The following ATRNL1 variants were observed in gnomAD, a reference collection of about 807,000 sequenced individuals.
The protein encoded by ATRNL1 is attractin like 1.
Under a neutral mutation model 182.7 loss-of-function variants are expected in ATRNL1, and 95 were observed. The observed-to-expected ratio is 0.52, with a 90% CI of 0.44 to 0.62. The LOEUF (loss-of-function observed/expected upper bound fraction) is 0.62, where lower values mean the gene tolerates loss of function less well. Among genes scored for constraint, ATRNL1 ranks in the 20% least tolerant of loss-of-function variants. ATRNL1 has a pLI of 0.00. For missense variants in ATRNL1, 1,471 were observed against 1,679.5 expected (o/e 0.88, Z 2.17); for synonymous variants, 576 against 568.3 (o/e 1.01, Z -0.19).
chr10:115,339,692 T>C (rs1243774561), intron 19 of ATRNL1, among the ~76,000 whole-genome samples: 1 of 152,202 alleles, frequency 6.6e-6, no homozygotes, highest in Non-Finnish European at 1.5e-5. Context: ...ATGCCCTTTA[T>C]ATCTTTCTTT....
At chr10:115,116,381 G>A (rs1844485598) in intron 1 of ATRNL1, among the ~76,000 whole-genome samples, 1 of 152,056 alleles carries the variant, frequency 6.6e-6, no homozygotes, top group African/African-American at 2.4e-5. Flanking sequence ...GTTGAACTAT[G>A]TGCTACCTAA....
chr10:115,526,042 C>T (rs138943787), intron 25 of ATRNL1, among the ~76,000 whole-genome samples: 38 of 152,230 alleles, frequency 2.5e-4, no homozygotes, highest in African/African-American at 8.2e-4. Context: ...TGAGGGGGCA[C>T]CTGTTACCTA....
chr10:115,574,968 G>A (rs1854621087), intron 26 of ATRNL1, among the ~76,000 whole-genome samples: 1 of 152,082 alleles, frequency 6.6e-6, no homozygotes, highest in Non-Finnish European at 1.5e-5. Context: ...TTGCATTTTA[G>A]GTCTGACTCT....
chr10:115,264,713 C>A (rs1213505462), intron 10 of ATRNL1, among the ~76,000 whole-genome samples: 1 of 151,508 alleles, frequency 6.6e-6, no homozygotes, highest in Non-Finnish European at 1.5e-5. Flanking sequence ...GAATTCAAAT[C>A]ATTAAAGTGA....
chr10:115,463,950 T>G (rs1405535608), intron 22 of ATRNL1, among the ~76,000 whole-genome samples: 1 of 152,054 alleles, frequency 6.6e-6, no homozygotes, highest in African/African-American at 2.4e-5. Context: ...TGAATAATAT[T>G]CCTCCACAGT....
At chr10:115,497,235 C>T (rs868960542) in intron 24 of ATRNL1, among the ~76,000 whole-genome samples, 20 of 152,186 alleles carry the variant, frequency 1.3e-4, no homozygotes, top group South Asian at 6.2e-4. Flanking sequence ...TTTCTTATAA[C>T]GGCCATTTTA....
At chr10:115,633,825 C>A (rs1244078470) in intron 26 of ATRNL1, among the ~76,000 whole-genome samples, 2 of 152,114 alleles carry the variant, frequency 1.3e-5, no homozygotes, top group African/African-American at 4.8e-5. Flanking sequence ...AAGTATTTGA[C>A]ACCAGTGATT....
chr10:115,727,125 G>A (rs1235826582), intron 26 of ATRNL1, 123 bp from the exon 27 acceptor site: 3 of 671,476 alleles, frequency 4.5e-6, no homozygotes, highest in Non-Finnish European at 7.8e-6. Context: ...TCTAGATATG[G>A]ATATCTGTAT....
At position 115,215,838 on chromosome 10, in the gene ATRNL1, T is replaced by C; in HGVS notation, c.1490T>C (p.Leu497Ser). ...YKALPGNKYG[L>S]VDDLYKYEVN... ...GCATTGCCAGGGAACAAATATGGATTGGTTGATGATCTTTATAAATATGAA... is the reference window on the plus strand; with the variant it reads ...GCATTGCCAGGGAACAAATATGGATCGGTTGATGATCTTTATAAATATGAA... Residue 497 changes from leucine to serine, a missense_variant, in exon 9 of 29, where the codon TTG (leucine) becomes TCG (serine). Around this residue, in one of 3 missense-constraint regions of ATRNL1, gnomAD observed 1,031 missense variants for 1,156.0 expected, o/e 0.89. Coordinates refer to ENST00000355044, the MANE Select transcript of ATRNL1 (RefSeq NM_207303.4). The C allele has an allele frequency of 4.4e-6, 7 of 1,592,248 alleles. No homozygotes were observed. Among genetic ancestry groups the C allele is most frequent in the Non-Finnish European group, 6.0e-6 (7 of 1,172,764 alleles).
At chr10:115,184,442 A>G (rs184838325) in intron 8 of ATRNL1, among the ~76,000 whole-genome samples, 2 of 151,674 alleles carry the variant, frequency 1.3e-5, no homozygotes, top group Admixed American at 1.3e-4. Context: ...ATATATACAC[A>G]CAACTATATA....
At chr10:115,467,785 G>A (rs1442646455) in intron 23 of ATRNL1, among the ~76,000 whole-genome samples, 3 of 150,294 alleles carry the variant, frequency 2.0e-5, no homozygotes, top group African/African-American at 7.3e-5. Flanking sequence ...TTAAATTACT[G>A]ACTTAAAAAG....
At position 115,286,481 on chromosome 10, in the gene ATRNL1, T is replaced by G. The variant is rs114919475; in HGVS notation, c.2415+84T>G. On this transcript the variant is annotated intron_variant, in intron 15 of 28. Coordinates refer to ENST00000355044, the MANE Select transcript of ATRNL1 (RefSeq NM_207303.4). ...GAAATTTTTTTTTGGTTTTAATACA[T>G]TATTGTTGCTAATTTTGGAAATAAA... 2,649 of 798,784 alleles carry G rather than the reference T, an allele frequency of 3.3e-3. 45 individuals are homozygous for G. In the African/African-American group the frequency reaches 0.04, roughly 12 times the overall value. 49.5% of individuals were successfully genotyped at this position (798,784 alleles called of 1,614,324 possible).
intron 26 of ATRNL1, among the ~76,000 whole-genome samples, chr10:115,678,419 T>A (rs74158249): frequency 0.012 from 1,769 of 152,208 alleles, 34 homozygotes; most frequent in African/African-American, 0.04. Context: ...ACTTTTGTTA[T>A]TATTTTAAAA....
intron 26 of ATRNL1, among the ~76,000 whole-genome samples, chr10:115,577,665 G>A (rs1197955948): frequency 7.3e-6 from 1 of 136,620 alleles, no homozygotes; most frequent in African/African-American, 2.6e-5. Context: ...GCCTTATAGG[G>A]TATTTTACAT....
chr10:115,389,517 G>A (rs1843860180), intron 19 of ATRNL1, among the ~76,000 whole-genome samples: 3 of 78,070 alleles, frequency 3.8e-5, no homozygotes, highest in African/African-American at 4.9e-5. Context: ...AAAAAAAGCT[G>A]AATAGTATTC....
At chr10:115,298,113 A>G (rs1309082579) in intron 15 of ATRNL1, among the ~76,000 whole-genome samples, 1 of 152,186 alleles carries the variant, frequency 6.6e-6, no homozygotes, top group Non-Finnish European at 1.5e-5. Flanking sequence ...GCAAGGTGAC[A>G]TTCAATTATG....
intron 27 of ATRNL1, among the ~76,000 whole-genome samples, chr10:115,775,770 CA>C (rs1485434834): frequency 6.9e-6 from 1 of 143,992 alleles, no homozygotes. Context: ...GCCTGGCCAA[CA>C]TGGTGAAACC....
intron 27 of ATRNL1, among the ~76,000 whole-genome samples, chr10:115,746,938 C>G (rs1163517687): frequency 1.3e-5 from 2 of 152,056 alleles, no homozygotes; most frequent in African/African-American, 4.8e-5. Flanking sequence ...ATATTCCAGA[C>G]AGTATACATT....
chr10:115,874,604 T>C (rs1441663984), intron 28 of ATRNL1, among the ~76,000 whole-genome samples: 1 of 152,196 alleles, frequency 6.6e-6, no homozygotes, highest in Admixed American at 6.5e-5. Flanking sequence ...AATATGGGTA[T>C]CTTCCATTTC....
Sources: allele counts gnomAD v4.1 joint callset (sites outside exome capture counted in the v4.1 genomes callset), GRCh38; gene constraint gnomAD v4.1.1; regional missense constraint gnomAD v4.1.1; transcripts MANE v1.5; gene names NCBI Gene and HGNC (gene_info 2026-07-23, HGNC 2026-07-21).